The following ULK4 variants were observed in gnomAD, a reference collection of about 807,000 sequenced individuals.
The protein encoded by ULK4 is inactive serine/threonine-protein kinase ULK4.
ULK4 carries 133 observed loss-of-function variants against 160.6 expected under a neutral mutation model. The observed-to-expected ratio is 0.83, with a 90% CI of 0.72 to 0.96. The LOEUF (loss-of-function observed/expected upper bound fraction) is 0.96. ULK4 is among the 40% of genes least tolerant of loss of function. The pLI, the probability that ULK4 is intolerant of heterozygous loss-of-function variation, is 0.00. For missense variants in ULK4, 1,580 were observed against 1,499.5 expected (o/e 1.05, Z -0.89); for synonymous variants, 534 against 539.8 (o/e 0.99, Z 0.15).
intron 22 of ULK4, among the ~76,000 whole-genome samples, chr3:41,733,725 ATTTTTTTTTTTT>A (rs778572755): frequency 0.16 from 14,669 of 93,538 alleles, 1,143 homozygotes; most frequent in Middle Eastern, 0.34. Flanking sequence ...TAAACACATG[ATTTTTTTTTTTT>A]TTTTTTTTTT....
intron 32 of ULK4, among the ~76,000 whole-genome samples, chr3:41,477,155 T>C (rs1260860744): frequency 1.3e-5 from 2 of 152,214 alleles, no homozygotes; most frequent in East Asian, 1.9e-4. Context: ...GCATTAATTA[T>C]AACCAACTCC....
chr3:41,492,523 C>G (rs1231305792), intron 32 of ULK4, among the ~76,000 whole-genome samples: 2 of 148,436 alleles, frequency 1.3e-5, no homozygotes, highest in African/African-American at 5.1e-5. Flanking sequence ...CATCAACTAA[C>G]AAGCAAAATA....
chr3:41,786,638 A>T (rs2040005742), intron 21 of ULK4, among the ~76,000 whole-genome samples: 3 of 151,830 alleles, frequency 2.0e-5, no homozygotes, highest in Admixed American at 1.3e-4. Flanking sequence ...AATAAATTGT[A>T]AATTTTTTAA....
chr3:41,811,872 G>A (rs1235733965), intron 19 of ULK4, among the ~76,000 whole-genome samples: 1 of 152,152 alleles, frequency 6.6e-6, no homozygotes, highest in Non-Finnish European at 1.5e-5. Context: ...TACTGAGACT[G>A]TAATGAATGT....
intron 30 of ULK4, among the ~76,000 whole-genome samples, chr3:41,619,765 A>T (rs1360660405): frequency 6.6e-6 from 1 of 152,166 alleles, no homozygotes; most frequent in African/African-American, 2.4e-5. Flanking sequence ...AATAACTAAG[A>T]TCAGAGCAGA....
At chr3:41,840,711 T>C (rs1342096533) in intron 17 of ULK4, among the ~76,000 whole-genome samples, 1 of 152,200 alleles carries the variant, frequency 6.6e-6, no homozygotes, top group East Asian at 1.9e-4. Context: ...AGTGGTGTGA[T>C]CTCAGATCGC....
At chr3:41,389,833 C>CT (rs1361056215) in intron 35 of ULK4, among the ~76,000 whole-genome samples, 3 of 152,040 alleles carry the variant, frequency 2.0e-5, no homozygotes, top group Admixed American at 6.6e-5. Context: ...CTAAAATTCT[C>CT]TTTTTTTGTT....
chr3:41,327,586 C>A (rs1335839294), intron 35 of ULK4, among the ~76,000 whole-genome samples: 1 of 152,146 alleles, frequency 6.6e-6, no homozygotes, highest in Non-Finnish European at 1.5e-5. Flanking sequence ...CGGTAGTCAC[C>A]TTTCAACTGC....
chr3:41,646,278 T>C (rs2034484364), intron 30 of ULK4, among the ~76,000 whole-genome samples: 1 of 152,252 alleles, frequency 6.6e-6, no homozygotes, highest in East Asian at 1.9e-4. Flanking sequence ...ATGCAGTTTC[T>C]TCCTAGTCTC....
At chr3:41,632,433 T>C (rs909163752) in intron 30 of ULK4, among the ~76,000 whole-genome samples, 1 of 152,210 alleles carries the variant, frequency 6.6e-6, no homozygotes, top group African/African-American at 2.4e-5. Flanking sequence ...CTACCTGAAA[T>C]CAAGCTAAGA....
chr3:41,634,335 T>G (rs1213778368), intron 30 of ULK4, among the ~76,000 whole-genome samples: 6 of 152,192 alleles, frequency 3.9e-5, no homozygotes, highest in Admixed American at 3.9e-4. Flanking sequence ...AAACTCTGCC[T>G]GAAGCATCCC....
intron 32 of ULK4, among the ~76,000 whole-genome samples, chr3:41,464,937 G>T (rs1390470904): frequency 6.6e-6 from 1 of 152,172 alleles, no homozygotes; most frequent in East Asian, 1.9e-4. Context: ...AAGAATGAAT[G>T]CAATCAAATC....
chr3:41,642,468 C>A (rs1421281678), intron 30 of ULK4, among the ~76,000 whole-genome samples: 1 of 152,068 alleles, frequency 6.6e-6, no homozygotes, highest in Non-Finnish European at 1.5e-5. Context: ...CCATAGTTTA[C>A]TGAGAATGAT....
intron 32 of ULK4, among the ~76,000 whole-genome samples, chr3:41,478,014 C>A (rs1005000086): frequency 6.6e-6 from 1 of 152,222 alleles, no homozygotes; most frequent in African/African-American, 2.4e-5. Context: ...CAGGCCAATG[C>A]CTTTCAAACC....
Position 41,835,895 on chromosome 3 carries a change from A to G in ULK4, c.1733T>C (p.Leu578Pro), listed in dbSNP as rs200042375. The G allele has an allele frequency of 1.7e-5, 27 of 1,613,376 alleles. No individual in the cohort carries two copies. The African/African-American group carries it at 2.7e-4, about 16-fold the overall frequency. ...SKLKQCLLPT[L>P]GELIYLVATQ... ...GGCTACAAGATAGATCAGCTCCCCA[A>G]GGGTTGGTAAAAGGCACTGTTTTAA... is the stretch of plus-strand genomic sequence containing the variant. Residue 578 changes from leucine to proline, a missense_variant, in exon 18 of 37, where the codon CTT becomes CCT. Coordinates refer to ENST00000301831, the MANE Select transcript of ULK4 (RefSeq NM_017886.4).
intron 17 of ULK4, among the ~76,000 whole-genome samples, chr3:41,856,924 A>G (rs2042377737): frequency 6.6e-6 from 1 of 151,608 alleles, no homozygotes; most frequent in Admixed American, 6.6e-5. Flanking sequence ...AAACAAAACA[A>G]AAGACTAAGC....
intron 35 of ULK4, among the ~76,000 whole-genome samples, chr3:41,251,908 A>G (rs1432503140): frequency 2.0e-5 from 3 of 152,214 alleles, no homozygotes; most frequent in African/African-American, 7.2e-5. Flanking sequence ...GTTACTCCAT[A>G]AAACTGTTTA....
intron 31 of ULK4, among the ~76,000 whole-genome samples, chr3:41,611,031 T>C (rs1213039353): frequency 6.6e-6 from 1 of 152,128 alleles, no homozygotes; most frequent in Non-Finnish European, 1.5e-5. Flanking sequence ...TTTGAAAAAG[T>C]AGAGAGAAAA....
chr3:41,249,726 C>A, intron 35 of ULK4, 152 bp from the exon 36 acceptor site: 1 of 711,154 alleles, frequency 1.4e-6, no homozygotes, highest in South Asian at 1.9e-5. Context: ...AACCCCCATG[C>A]GTAACCTCCC....
Sources: allele counts gnomAD v4.1 joint callset (sites outside exome capture counted in the v4.1 genomes callset), GRCh38; gene constraint gnomAD v4.1.1; transcripts MANE v1.5; gene names NCBI Gene and HGNC (gene_info 2026-07-23, HGNC 2026-07-21).